STIM1: variants seen among roughly 807,000 people sequenced by gnomAD.
STIM1 encodes stromal interaction molecule 1.
A neutral mutation model predicts 74.7 loss-of-function variants in STIM1; 25 were observed. The ratio of observed to expected loss-of-function variants is 0.33; its 90% CI spans 0.24 to 0.47. STIM1 has a LOEUF of 0.47. Among genes scored for constraint, STIM1 ranks in the 20% least tolerant of loss-of-function variants. The pLI, the probability that STIM1 is intolerant of heterozygous loss-of-function variation, is 1.00. For missense variants in STIM1, 728 were observed against 920.8 expected (o/e 0.79, Z 2.71); for synonymous variants, 328 against 348.8 (o/e 0.94, Z 0.66).
intron 1 of STIM1, among the ~76,000 whole-genome samples, chr11:3,946,566 C>A (rs2093076672): frequency 6.6e-6 from 1 of 152,082 alleles, no homozygotes; most frequent in Non-Finnish European, 1.5e-5. Flanking sequence ...ATTCTAGGTT[C>A]CTAAAAATAA....
intron 2 of STIM1, among the ~76,000 whole-genome samples, chr11:4,006,388 C>G (rs2093781361): frequency 6.6e-6 from 1 of 152,084 alleles, no homozygotes; most frequent in Non-Finnish European, 1.5e-5. Context: ...TTATAAATTA[C>G]CCAGTCTCAG....
chr11:3,907,057 A>G (rs2092477055), intron 1 of STIM1, among the ~76,000 whole-genome samples: 1 of 152,192 alleles, frequency 6.6e-6, no homozygotes, highest in African/African-American at 2.4e-5. Context: ...GAAGGATACA[A>G]GATCAGAAAA....
At chr11:3,987,804 G>GACACACACACACAC (rs55772228) in intron 2 of STIM1, among the ~76,000 whole-genome samples, 7 of 145,284 alleles carry the variant, frequency 4.8e-5, no homozygotes, top group African/African-American at 1.3e-4. Flanking sequence ...TGTCCTTAAG[G>GACACACACACACAC]ACACACACAC....
intron 3 of STIM1, among the ~76,000 whole-genome samples, chr11:4,037,518 A>G (rs955970684): frequency 2.6e-5 from 4 of 152,172 alleles, no homozygotes; most frequent in African/African-American, 7.2e-5. Context: ...TGACCCCTTC[A>G]ACATTATGAA....
chr11:4,080,629 G>T (rs1422773529), intron 7 of STIM1, among the ~76,000 whole-genome samples: 14 of 151,974 alleles, frequency 9.2e-5, no homozygotes. Context: ...ATCCCACCAG[G>T]CTAGTTTTAC....
At chr11:4,021,153 GGTT>G (rs890205021) in intron 2 of STIM1, among the ~76,000 whole-genome samples, 131 of 123,320 alleles carry the variant, frequency 1.1e-3, no homozygotes, top group South Asian at 4.5e-3. Context: ...TGGTGGTGGT[GGTT>G]GTTGTTGTTG....
chr11:4,009,532 C>T (rs898585286), intron 2 of STIM1, among the ~76,000 whole-genome samples: 1 of 151,810 alleles, frequency 6.6e-6, no homozygotes, highest in South Asian at 2.1e-4. Flanking sequence ...TGCTTGAACC[C>T]GGCGGGCAGA....
At chr11:3,894,801 C>T (rs2092006337) in intron 1 of STIM1, among the ~76,000 whole-genome samples, 1 of 152,032 alleles carries the variant, frequency 6.6e-6, no homozygotes, top group South Asian at 2.1e-4. Flanking sequence ...TACAGTGGCA[C>T]AGTCTCAGCT....
chr11:3,964,543 T>C (rs1181042069), intron 1 of STIM1, among the ~76,000 whole-genome samples: 1 of 152,170 alleles, frequency 6.6e-6, no homozygotes, highest in Non-Finnish European at 1.5e-5. Context: ...TTGGATCTTG[T>C]AGGTTTTTGG....
intron 2 of STIM1, among the ~76,000 whole-genome samples, chr11:4,022,355 A>G (rs1300132528): frequency 5.6e-4 from 83 of 149,168 alleles, no homozygotes; most frequent in Admixed American, 1.2e-3. Flanking sequence ...AAAAAAAAAA[A>G]AGAGAGAAGA....
intron 1 of STIM1, among the ~76,000 whole-genome samples, chr11:3,896,543 A>G (rs1052202378): frequency 6.6e-6 from 1 of 152,260 alleles, no homozygotes; most frequent in Admixed American, 6.5e-5. Context: ...AGGTAGTGTC[A>G]CAAGGGATGC....
chr11:3,864,867 A>G (rs2090791951), intron 1 of STIM1, among the ~76,000 whole-genome samples: 1 of 151,952 alleles, frequency 6.6e-6, no homozygotes, highest in Non-Finnish European at 1.5e-5. Context: ...GAGTCTTTTT[A>G]TACTCCCTTT....
intron 2 of STIM1, among the ~76,000 whole-genome samples, chr11:4,001,953 C>T (rs1372304926): frequency 1.5e-5 from 2 of 135,234 alleles, no homozygotes; most frequent in Admixed American, 7.7e-5. Flanking sequence ...TCTGATAAAA[C>T]AGACTTTAAA....
chr11:3,988,481 G>A (rs1273160345), intron 2 of STIM1, among the ~76,000 whole-genome samples: 1 of 151,898 alleles, frequency 6.6e-6, no homozygotes, highest in African/African-American at 2.4e-5. Flanking sequence ...AGTTATTCCA[G>A]TGACTTTCCA....
intron 1 of STIM1, among the ~76,000 whole-genome samples, chr11:3,948,126 C>T (rs1459986189): frequency 1.3e-5 from 2 of 152,152 alleles, no homozygotes; most frequent in Non-Finnish European, 2.9e-5. Context: ...AATACTCTGA[C>T]CTCAAAATGG....
intron 7 of STIM1, among the ~76,000 whole-genome samples, chr11:4,078,653 C>T (rs556279112): frequency 2.5e-4 from 38 of 151,966 alleles, no homozygotes; most frequent in Admixed American, 1.5e-3. Flanking sequence ...CTGCAACCTC[C>T]GCCTCCCAGG....
chr11:4,023,000 G>A (rs1040584650), intron 2 of STIM1, among the ~76,000 whole-genome samples: 1 of 152,170 alleles, frequency 6.6e-6, no homozygotes, highest in South Asian at 2.1e-4. Context: ...CACCTTTAAC[G>A]GGAGGATTAT....
intron 1 of STIM1, among the ~76,000 whole-genome samples, chr11:3,895,701 T>TCTTTCTTTCTTC (rs2092093142): frequency 3.0e-5 from 1 of 32,834 alleles, no homozygotes; most frequent in African/African-American, 2.1e-4. Context: ...TTTCTTTCTT[T>TCTTTCTTTCTTC]CTTTCTTTCT....
At chr11:4,088,798 T>C in intron 12 of STIM1, 1 of 1,499,964 alleles carries the variant, frequency 6.7e-7, no homozygotes, top group Non-Finnish European at 9.0e-7. Flanking sequence ...ACCTCTGGCC[T>C]GATTGTTCTC....
Sources: gnomAD v4.1 joint callset for allele counts (sites outside exome capture counted in the v4.1 genomes callset) on GRCh38, gnomAD v4.1.1 for gene constraint, MANE v1.5 for transcripts, NCBI Gene and HGNC (gene_info 2026-07-23, HGNC 2026-07-21) for gene names.